The following CRISP2 variants were observed in gnomAD, a reference collection of about 807,000 sequenced individuals.
CRISP2 encodes cysteine-rich secretory protein 2.
CRISP2 carries 29 observed loss-of-function variants against 31.7 expected under a neutral mutation model. The ratio of observed to expected loss-of-function variants is 0.92; its 90% CI spans 0.68 to 1.25. CRISP2 has a LOEUF of 1.25. Among genes scored for constraint, CRISP2 ranks in the 50% most tolerant of loss-of-function variants. The pLI is 0.00. For missense variants in CRISP2, 318 were observed against 286.5 expected, an observed-to-expected ratio of 1.11 and a Z score of -0.79; for synonymous variants, 111 against 101.4, an observed-to-expected ratio of 1.09 and a Z score of -0.57.
At chr6:49,707,058 C>A (rs539524473) in intron 4 of CRISP2, among the ~76,000 whole-genome samples, 1 of 152,070 alleles carries the variant, frequency 6.6e-6, no homozygotes, top group African/African-American at 2.4e-5. Flanking sequence ...AAGTTAATTT[C>A]TAAATTATTT....
rs1198037687 is a variant in CRISP2 at position 49,692,848 on chromosome 6, A to G, written c.657T>C (p.Asn219=). Residue 219 remains asparagine (N), a synonymous_variant, in exon 10 of 10, where the codon AAT becomes AAC. Coordinates refer to ENST00000339139, the MANE Select transcript of CRISP2 (RefSeq NM_003296.4). The part of the protein sequence containing the change: ...DLLSNCDSLK[N]TAGCEHELLK... ...GTAACTCATGTTCACAGCCAGCTGT[A>G]TTCTTCAAGGAATCACAGTTACTTA... 1 of 1,613,726 alleles carries G rather than the reference A, an allele frequency of 6.2e-7. No homozygotes were observed. The highest frequency in any genetic ancestry group is 8.5e-7 in the Non-Finnish European group (1 of 1,179,770).
At chr6:49,678,279 A>G in the CRISP2 span, among the ~76,000 whole-genome samples, 285 of 152,248 alleles carry the variant, frequency 1.9e-3, 1 homozygote, top group African/African-American at 6.3e-3. Flanking sequence ...TAGCTTATAT[A>G]AACTGATTGG....
chr6:49,708,739 C>G (rs1013731335), intron 4 of CRISP2, among the ~76,000 whole-genome samples: 5 of 152,160 alleles, frequency 3.3e-5, no homozygotes, highest in African/African-American at 1.2e-4. Flanking sequence ...TGCAACCACC[C>G]TAAGAACCTA....
At chr6:49,713,680 G>A (rs1400116045), upstream of CRISP2, 3 of 152,198 alleles carry the variant, frequency 2.0e-5, no homozygotes, top group Admixed American at 6.5e-5. Context: ...CCCTACTACG[G>A]AGAAAATCTT....
At chr6:49,694,151 G>T (rs781004358) in intron 9 of CRISP2, among the ~76,000 whole-genome samples, 1 of 152,176 alleles carries the variant, frequency 6.6e-6, no homozygotes, top group Non-Finnish European at 1.5e-5. Flanking sequence ...ATTAGATGAT[G>T]TTCTAAACCC....
At chr6:49,713,022 T>A (rs113010819) in intron 1 of CRISP2, among the ~76,000 whole-genome samples, 1,756 of 152,216 alleles carry the variant, frequency 0.012, 38 homozygotes, top group African/African-American at 0.04. Flanking sequence ...ATTTTTTTTT[T>A]AAATTCTGGA....
the CRISP2 span, among the ~76,000 whole-genome samples, chr6:49,682,947 T>C: frequency 3.3e-5 from 5 of 151,324 alleles, no homozygotes; most frequent in Admixed American, 6.6e-5. Context: ...TCACCTGAGG[T>C]CAAGAGTTCA....
rs1349533165 is a variant in CRISP2 at position 49,701,709 on chromosome 6, CATATATAATGT to C, written c.67-936_67-926del. Among the ~76,000 whole-genome samples the C allele has an allele frequency of 3.0e-3, 140 of 46,256 alleles. 1 individual carries two copies. The highest frequency in any genetic ancestry group is 0.01 in the African/African-American group (127 of 12,644). 30.3% of individuals were successfully genotyped at this position (46,256 alleles called of 152,430 possible). On this transcript the variant is annotated intron_variant, in intron 4 of 9. Transcript: ENST00000339139. ...ATTATATATGTATACATTATGTATA[CATATATAATGT>C]ATATATAATGTATATATACACGGTA...
Position 49,695,900 on chromosome 6 carries a change from A to T in CRISP2, c.540T>A (p.Asn180Lys). 2 of 1,611,432 alleles carry T rather than the reference A, an allele frequency of 1.2e-6. No homozygotes were observed. The highest frequency in any genetic ancestry group is 2.7e-5 in the African/African-American group (2 of 74,920). ...AAGGTGTTCCTTGTTGGTACGGGGT[A>T]TTCTTTCTATTCATATTATTACCAC... ...CPAGNNMNRK[N>K]TPYQQGTPCA... The change falls in exon 9 of 10, where the codon AAT becomes AAA. Residue 180 changes from asparagine to lysine, a missense_variant. Physicochemically the swap from Asn to Lys is moderately conservative, Grantham distance 94. Transcript: ENST00000339139.
At chr6:49,713,200 T>A (rs886252778) in intron 1 of CRISP2, among the ~76,000 whole-genome samples, 3 of 152,188 alleles carry the variant, frequency 2.0e-5, no homozygotes, top group African/African-American at 7.2e-5. Flanking sequence ...TATGATTCAA[T>A]GGGTCTTATG....
Position 49,697,848 on chromosome 6 carries a change from C to T in CRISP2, c.515+12G>A. On this transcript the variant is annotated intron_variant, in intron 8 of 9. Transcript: ENST00000339139. Reference sequence around the variant, plus strand: ...AGAATTATTGCCATTAAACTCTAAACAGTCTACTTACGCAGGACAATATTG... The same window carrying T: ...AGAATTATTGCCATTAAACTCTAAATAGTCTACTTACGCAGGACAATATTG... 1.2e-6 allele frequency: 2 copies of T among 1,609,460 alleles called. No individual in the cohort carries two copies. The highest frequency in any genetic ancestry group is 1.7e-6 in the Non-Finnish European group (2 of 1,176,286).
At chr6:49,696,464 T>C (rs1764765618) in intron 8 of CRISP2, among the ~76,000 whole-genome samples, 1 of 151,288 alleles carries the variant, frequency 6.6e-6, no homozygotes, top group Non-Finnish European at 1.5e-5. Flanking sequence ...TTTCAGTAGT[T>C]AGTGGTGTGT....
downstream of CRISP2, chr6:49,692,209 G>T (rs1764089823): frequency 2.0e-5 from 3 of 152,094 alleles, no homozygotes; most frequent in Admixed American, 2.0e-4. Context: ...AAATGTTGCT[G>T]TTTTATCATT....
intron 9 of CRISP2, among the ~76,000 whole-genome samples, chr6:49,695,312 A>C (rs939548994): frequency 1.3e-5 from 2 of 152,216 alleles, no homozygotes; most frequent in Admixed American, 6.5e-5. Context: ...AACAATTATG[A>C]AATTATAGGG....
chr6:49,690,484 C>T (rs987012537), downstream of CRISP2, among the ~76,000 whole-genome samples: 2 of 151,860 alleles, frequency 1.3e-5, no homozygotes, highest in Non-Finnish European at 1.5e-5. Flanking sequence ...TAGGCTGAGG[C>T]ACAATCAAAT....
intron 3 of CRISP2, among the ~76,000 whole-genome samples, chr6:49,709,963 G>T (rs768644248): frequency 2.6e-5 from 4 of 152,108 alleles, no homozygotes; most frequent in Admixed American, 2.0e-4. Context: ...AAAGTCTCAC[G>T]TCCTTCAGAT....
At chr6:49,713,120 T>C (rs1370101587) in intron 1 of CRISP2, among the ~76,000 whole-genome samples, 1 of 152,146 alleles carries the variant, frequency 6.6e-6, no homozygotes, top group African/African-American at 2.4e-5. Flanking sequence ...ATTCAAAACA[T>C]CAATTAGAAA....
At chr6:49,704,347 T>C (rs928364764) in intron 4 of CRISP2, among the ~76,000 whole-genome samples, 7 of 152,194 alleles carry the variant, frequency 4.6e-5, no homozygotes, top group African/African-American at 1.7e-4. Flanking sequence ...TGAATTCTTT[T>C]TCCAGCAATT....
At chr6:49,687,292 A>G in the CRISP2 span, among the ~76,000 whole-genome samples, 1 of 152,204 alleles carries the variant, frequency 6.6e-6, no homozygotes, top group Non-Finnish European at 1.5e-5. Flanking sequence ...ATATTAAGTG[A>G]AATGTTTTAT....
Sources: allele counts gnomAD v4.1 joint callset (sites outside exome capture counted in the v4.1 genomes callset), GRCh38; gene constraint gnomAD v4.1.1; transcripts MANE v1.5; gene names NCBI Gene and HGNC (gene_info 2026-07-23, HGNC 2026-07-21).